Variants in CMIP observed in about 807,000 individuals in gnomAD.
CMIP encodes the protein C-Maf-inducing protein.
A neutral mutation model predicts 97.3 loss-of-function variants in CMIP; 13 were observed. The observed-to-expected ratio is 0.13, with a 90% confidence interval of 0.09 to 0.21. The LOEUF is 0.21. Ranked by LOEUF, CMIP falls within the 10% of genes least tolerant of loss-of-function variation. The pLI is 1.00. For synonymous variants in CMIP, 538 were observed against 436.3 expected, an observed-to-expected ratio of 1.23 and a Z score of -2.91; for missense variants, 847 against 1,024.9, an observed-to-expected ratio of 0.83 and a Z score of 2.37.
intron 1 of CMIP, among the ~76,000 whole-genome samples, chr16:81,601,825 C>T (rs749988016): frequency 1.3e-5 from 2 of 152,172 alleles, no homozygotes; most frequent in South Asian, 2.1e-4. Flanking sequence ...ACTCAGTTAG[C>T]GAGCGGTCCC....
chr16:81,639,856 G>T (rs117814924), intron 3 of CMIP, among the ~76,000 whole-genome samples: 2 of 152,302 alleles, frequency 1.3e-5, no homozygotes, highest in Non-Finnish European at 2.9e-5. Context: ...GTTTTAATGT[G>T]TAGCCAGGGT....
intron 1 of CMIP, among the ~76,000 whole-genome samples, chr16:81,599,698 A>T (rs1183885627): frequency 1.3e-5 from 2 of 152,208 alleles, no homozygotes. Flanking sequence ...TACGAAATTG[A>T]ATCCTGGGCC....
At position 81,652,554 on chromosome 16, in the gene CMIP, T is replaced by A. The variant is rs1024172367; in HGVS notation, c.639+190T>A. ...GGAGAGGGAGGCTTGCCCCAGCTGC[T>A]TGCAGCTGTGCTGTCTGGGGATTGT... is the stretch of plus-strand genomic sequence containing the variant. On this transcript the variant is annotated intron_variant, in intron 4 of 20. Transcript: ENST00000537098. The surrounding 1 kb of genome is among the most constrained non-coding windows in gnomAD (Gnocchi z 5.2). Among the ~76,000 whole-genome samples the A allele has an allele frequency of 1.3e-5, 2 of 152,138 alleles. No individual in the cohort carries two copies. The highest frequency in any genetic ancestry group is 1.5e-5 in the Non-Finnish European group (1 of 68,008).
At position 81,652,320 on chromosome 16, in the gene CMIP, A is replaced by G. The variant is rs770230656; in HGVS notation, c.595A>G (p.Ile199Val). 19 of 1,613,918 alleles carry G rather than the reference A, an allele frequency of 1.2e-5. No homozygotes were observed. Among genetic ancestry groups the G allele is most frequent in the Non-Finnish European group, 1.1e-5 (13 of 1,179,834 alleles). ...ALTSPLQDDS[I>V]NQAPLEIVSK... ...GACATCCCCCCTGCAGGATGACTCC[A>G]TCAACCAGGCCCCACTGGAAATCGT... Residue 199 changes from isoleucine to valine, a missense_variant, in exon 4 of 21, where the codon ATC becomes GTC. Coordinates refer to ENST00000537098, the MANE Select transcript of CMIP (RefSeq NM_198390.3). The surrounding 1 kb of genome is among the most constrained non-coding windows in gnomAD (Gnocchi z 5.2).
chr16:81,584,099 G>C (rs1287592438), intron 1 of CMIP, among the ~76,000 whole-genome samples: 4 of 152,160 alleles, frequency 2.6e-5, no homozygotes, highest in Non-Finnish European at 4.4e-5. Context: ...GAATCCAAGG[G>C]AGAAGTGGAG....
intron 1 of CMIP, among the ~76,000 whole-genome samples, chr16:81,471,608 C>T (rs1435641803): frequency 6.6e-6 from 1 of 152,190 alleles, no homozygotes; most frequent in Non-Finnish European, 1.5e-5. Context: ...TACAGTAGTC[C>T]ACTCTCATCC....
chr16:81,567,172 G>T (rs1346610826), intron 1 of CMIP, among the ~76,000 whole-genome samples: 1 of 152,258 alleles, frequency 6.6e-6, no homozygotes, highest in Non-Finnish European at 1.5e-5. Flanking sequence ...CCATGTGTCC[G>T]GCTGGGAGGA....
At chr16:81,529,812 C>T (rs2090198039) in intron 1 of CMIP, among the ~76,000 whole-genome samples, 1 of 152,216 alleles carries the variant, frequency 6.6e-6, no homozygotes, top group African/African-American at 2.4e-5. Context: ...AAGGATACTC[C>T]TTCTCCTCTG....
At chr16:81,558,058 G>T (rs1486942333) in intron 1 of CMIP, among the ~76,000 whole-genome samples, 2 of 152,144 alleles carry the variant, frequency 1.3e-5, no homozygotes, top group Non-Finnish European at 2.9e-5. Context: ...TATCCTTTGT[G>T]GTTGGCTTAT....
intron 2 of CMIP, among the ~76,000 whole-genome samples, chr16:81,615,422 G>T (rs919945945): frequency 7.0e-6 from 1 of 143,240 alleles, no homozygotes; most frequent in Non-Finnish European, 1.5e-5. Context: ...GTGTGTGTGC[G>T]TGGTGTGTGT....
At chr16:81,692,580 A>G (rs1337830256) in intron 11 of CMIP, among the ~76,000 whole-genome samples, 2 of 152,218 alleles carry the variant, frequency 1.3e-5, no homozygotes, top group African/African-American at 4.8e-5. Flanking sequence ...CTGTAAGGGC[A>G]CATTACACGC....
In CMIP at chr16:81,682,023, C is replaced by T. The variant is rs980709739; in HGVS notation, c.1388+3395C>T. On this transcript the variant is annotated intron_variant, in intron 10 of 20. Coordinates refer to ENST00000537098, the MANE Select transcript of CMIP (RefSeq NM_198390.3). ...CTCAAGACCAGCCTGGCCAACGTGA[C>T]GAAATCCTGTTTCTACTAAAAATAC... Among the ~76,000 whole-genome samples the T allele has an allele frequency of 7.3e-5, 11 of 151,514 alleles. No individual in the cohort carries two copies. The East Asian group carries it at 9.8e-4, about 14-fold the overall frequency.
At position 81,640,297 on chromosome 16, in the gene CMIP, C is replaced by A. The variant is rs113978446; in HGVS notation, c.478-11906C>A. Among the ~76,000 whole-genome samples, 57 of 150,994 alleles carry A rather than the reference C, an allele frequency of 3.8e-4. No homozygotes were observed. The South Asian group carries it at 5.3e-3, about 14-fold the overall frequency. The stretch of plus-strand genomic sequence containing the variant: ...GGATAGGACATCAGGCCCCCCCCCC[C>A]CCAATTCCCCAGGGAAAGAAAACCC... On this transcript the variant is annotated intron_variant, in intron 3 of 20. Transcript: ENST00000537098.
chr16:81,636,355 G>C (rs941178696), intron 3 of CMIP, among the ~76,000 whole-genome samples: 3 of 152,038 alleles, frequency 2.0e-5, no homozygotes, highest in Non-Finnish European at 4.4e-5. Context: ...GGCTGAGGCA[G>C]GTGGCTCACC....
chr16:81,539,946 GC>G (rs1349237648), intron 1 of CMIP, among the ~76,000 whole-genome samples: 2 of 152,330 alleles, frequency 1.3e-5, no homozygotes, highest in Middle Eastern at 3.4e-3. Flanking sequence ...TCTGCCCCCA[GC>G]CCTGAGCACT....
Position 81,669,117 on chromosome 16 carries a change from CACTCACCTCCTTCCACACCCACTTCAT to C in CMIP, c.826-1022_826-996del, listed in dbSNP as rs1356739557. Among the ~76,000 whole-genome samples, 23 of 41,418 alleles carry C rather than the reference CACTCACCTCCTTCCACACCCACTTCAT, an allele frequency of 5.6e-4. 1 individual carries two copies. The South Asian group carries it at 0.029, about 53-fold the overall frequency. The allele number at this position is 41,418 out of a possible 152,430, so 27.2% of individuals were successfully genotyped here. A position where few individuals can be genotyped will look rare whatever the true frequency, so the allele number is the denominator to read the frequency against. ...CTCACACCTCCACACCCACCTCTCA[CACTCACCTCCTTCCACACCCACTTCAT>C]ACCTCCTTCCACACCCCTCTCACCT... On this transcript the variant is annotated intron_variant, in intron 7 of 20. Transcript: ENST00000537098.
In CMIP at chr16:81,678,228, A is replaced by G. The variant is rs766897079; in HGVS notation, c.1035-47A>G. ...TTAGTCTGATGGGTCATGGTGCATC[A>G]TGAACGGTGCCTGTACTCATGTGCC... On this transcript the variant is annotated intron_variant, in intron 9 of 20. Transcript: ENST00000537098. The G allele has an allele frequency of 6.3e-6, 9 of 1,439,064 alleles. No individual in the cohort carries two copies. In the Admixed American group the frequency reaches 1.5e-4, roughly 24 times the overall value. 89.1% of individuals were successfully genotyped at this position (1,439,064 alleles called of 1,614,324 possible). A position where few individuals can be genotyped will look rare whatever the true frequency, so the allele number is the denominator to read the frequency against.
chr16:81,479,089 G>A (rs371521949), intron 1 of CMIP, among the ~76,000 whole-genome samples: 8 of 152,170 alleles, frequency 5.3e-5, no homozygotes, highest in African/African-American at 1.2e-4. Context: ...GCTATTGACC[G>A]GACAGGGTTT....
intron 1 of CMIP, among the ~76,000 whole-genome samples, chr16:81,576,326 C>T (rs2091188035): frequency 6.6e-6 from 1 of 152,114 alleles, no homozygotes; most frequent in Admixed American, 6.5e-5. Flanking sequence ...ATCGCTTGAA[C>T]CCGGGAGGCA....
Sources: allele counts gnomAD v4.1 joint callset (sites outside exome capture counted in the v4.1 genomes callset), GRCh38; gene constraint gnomAD v4.1.1; non-coding constraint Gnocchi (gnomAD v3.1); transcripts MANE v1.5; gene names NCBI Gene and HGNC (gene_info 2026-07-23, HGNC 2026-07-21).